Variants in SMYD4 observed in about 807,000 individuals in gnomAD.
SMYD4 encodes protein-lysine N-methyltransferase SMYD4.
Under a neutral mutation model 72.8 loss-of-function variants are expected in SMYD4, and 68 were observed. That is an observed-to-expected ratio of 0.93 (90% CI 0.77 to 1.14). The LOEUF is 1.14. Ranked by LOEUF, SMYD4 falls within the 50% of genes most tolerant of loss-of-function variation. The pLI, the probability that SMYD4 is intolerant of heterozygous loss-of-function variation, is 0.00. For missense variants in SMYD4, 984 were observed against 1,003.7 expected, an observed-to-expected ratio of 0.98 and a Z score of 0.27; for synonymous variants, 407 against 388.6, an observed-to-expected ratio of 1.05 and a Z score of -0.56.
chr17:1,814,656 T>G (rs550216642), intron 2 of SMYD4: 2 of 152,006 alleles, frequency 1.3e-5, no homozygotes, highest in African/African-American at 2.4e-5. Flanking sequence ...GGAACCCACC[T>G]CCACAAAAAA....
intron 2 of SMYD4, among the ~76,000 whole-genome samples, chr17:1,823,757 G>A (rs547069000): frequency 1.3e-4 from 20 of 152,204 alleles, no homozygotes; most frequent in African/African-American, 4.6e-4. Context: ...GTTGACCTGA[G>A]CCCCACCCAG....
intron 10 of SMYD4, chr17:1,781,670 C>A: frequency 1.7e-4 from 45 of 260,366 alleles, no homozygotes; most frequent in East Asian, 3.0e-4. Flanking sequence ...AGGCAAATCT[C>A]AAAGCTTTTT....
In SMYD4 at chr17:1,803,886, G is replaced by GTT. The variant is rs34556870; in HGVS notation, c.369+738_369+739dup. ...TCAGGAGAAAGGGCGAGTTCAGTTA[G>GTT]TTTTTTTTTTTTTTGAGACAGAGTC... is the stretch of plus-strand genomic sequence containing the variant. On this transcript the variant is annotated intron_variant, in intron 4 of 10. Coordinates refer to ENST00000305513, the MANE Select transcript of SMYD4 (RefSeq NM_052928.3). Among the ~76,000 whole-genome samples, 867 of 143,866 alleles carry GTT rather than the reference G, an allele frequency of 6.0e-3. 2 individuals are homozygous for GTT. Among genetic ancestry groups the GTT allele is most frequent in the Middle Eastern group, 0.011 (3 of 274 alleles). 94.4% of individuals were successfully genotyped at this position (143,866 alleles called of 152,430 possible). A position where few individuals can be genotyped will look rare whatever the true frequency, so the allele number is the denominator to read the frequency against.
At chr17:1,821,889 C>T (rs1232556392) in intron 2 of SMYD4, among the ~76,000 whole-genome samples, 4 of 151,592 alleles carry the variant, frequency 2.6e-5, no homozygotes, top group Admixed American at 2.6e-4. Context: ...CCAGATCGTG[C>T]CATTGCACTC....
intron 2 of SMYD4, among the ~76,000 whole-genome samples, chr17:1,821,325 A>C (rs1910879328): frequency 6.6e-6 from 1 of 150,466 alleles, no homozygotes; most frequent in South Asian, 2.1e-4. Flanking sequence ...GACCAGCCTG[A>C]CCAATATGGA....
intron 4 of SMYD4, among the ~76,000 whole-genome samples, chr17:1,801,625 GAAAAAAA>G (rs551608562): frequency 1.1e-5 from 1 of 89,994 alleles, no homozygotes; most frequent in Non-Finnish European, 2.1e-5. Flanking sequence ...GGCAGGCTTT[GAAAAAAA>G]AAAAAAAAAA....
intron 3 of SMYD4, among the ~76,000 whole-genome samples, chr17:1,811,300 TC>T (rs1460621827): frequency 6.6e-6 from 1 of 152,134 alleles, no homozygotes; most frequent in Non-Finnish European, 1.5e-5. Context: ...GGGAACTTTT[TC>T]CGTTTCAGGA....
rs745816016 is a variant in SMYD4, at chr17:1,784,401, G to A, written c.1945C>T (p.His649Tyr). 7 of 1,614,090 alleles carry A rather than the reference G, an allele frequency of 4.3e-6. No individual in the cohort carries two copies. The highest frequency in any genetic ancestry group is 5.9e-6 in the Non-Finnish European group (7 of 1,180,048). ...AGGTCCTGTAACCGAGAGACCAGGTGGTCCCTGCTGACGGCGGATTCTGCA... is the reference window on the plus strand; with the variant it reads ...AGGTCCTGTAACCGAGAGACCAGGTAGTCCCTGCTGACGGCGGATTCTGCA... Reference protein sequence around the residue: ...SCAESAVSRDHLVSRLQDLQQ... With the variant: ...SCAESAVSRDYLVSRLQDLQQ... Residue 649 changes from histidine to tyrosine, a missense_variant, in exon 8 of 11, where the codon CAC (histidine) becomes TAC (tyrosine). His to Tyr is a moderately conservative substitution (Grantham distance 83). Transcript: ENST00000305513.
chr17:1,808,938 T>C (rs1910181603), intron 3 of SMYD4, among the ~76,000 whole-genome samples: 1 of 152,212 alleles, frequency 6.6e-6, no homozygotes, highest in African/African-American at 2.4e-5. Flanking sequence ...GAAGCTGCTG[T>C]TGTAGGTGTG....
chr17:1,801,063 C>T, intron 4 of SMYD4, 39 bp from the exon 5 acceptor site: 1 of 1,523,972 alleles, frequency 6.6e-7, no homozygotes, highest in South Asian at 1.3e-5. Context: ...ACCCTTGGTC[C>T]CTATTCTTCA....
intron 2 of SMYD4, among the ~76,000 whole-genome samples, chr17:1,820,811 T>C (rs1209891427): frequency 6.6e-6 from 1 of 152,178 alleles, no homozygotes; most frequent in African/African-American, 2.4e-5. Flanking sequence ...CCTCAAAGAA[T>C]GTCTATTGGC....
chr17:1,818,201 T>C (rs954872123), intron 2 of SMYD4, among the ~76,000 whole-genome samples: 8 of 152,194 alleles, frequency 5.3e-5, no homozygotes, highest in Non-Finnish European at 8.8e-5. Context: ...ACATTTTTTC[T>C]TTCTCCAGCC....
At chr17:1,808,663 C>T (rs893594988) in intron 3 of SMYD4, among the ~76,000 whole-genome samples, 2 of 152,190 alleles carry the variant, frequency 1.3e-5, no homozygotes, top group Non-Finnish European at 2.9e-5. Flanking sequence ...GCTCATCTCC[C>T]TCCACATTCA....
chr17:1,809,280 T>C (rs1391691833), intron 3 of SMYD4, among the ~76,000 whole-genome samples: 5 of 152,270 alleles, frequency 3.3e-5, no homozygotes, highest in Middle Eastern at 6.8e-3. Flanking sequence ...TCTTAAAAGC[T>C]ACGGAAGGAA....
intron 5 of SMYD4, among the ~76,000 whole-genome samples, chr17:1,790,569 T>C (rs1021330586): frequency 6.6e-6 from 1 of 152,118 alleles, no homozygotes; most frequent in Non-Finnish European, 1.5e-5. Context: ...TAGGCTGGAA[T>C]GCAGTGGCAT....
At chr17:1,794,069 G>GTGTGTATA (rs1280064134) in intron 5 of SMYD4, among the ~76,000 whole-genome samples, 2 of 67,926 alleles carry the variant, frequency 2.9e-5, no homozygotes, top group Admixed American at 1.8e-4. Flanking sequence ...ATATATATGT[G>GTGTGTATA]TATATATATG....
chr17:1,794,937 G>A (rs942808681), intron 5 of SMYD4, among the ~76,000 whole-genome samples: 9 of 151,922 alleles, frequency 5.9e-5, no homozygotes, highest in African/African-American at 1.9e-4. Context: ...ATATCCCTCC[G>A]AATTAAAATA....
intron 4 of SMYD4, 107 bp downstream of exon 4, chr17:1,804,519 A>G: frequency 1.0e-6 from 1 of 988,262 alleles, no homozygotes; most frequent in East Asian, 2.6e-5. Context: ...CAATAGCAGC[A>G]TGACATGATT....
At chr17:1,784,054 C>A (rs901110051) in intron 8 of SMYD4, among the ~76,000 whole-genome samples, 1 of 152,218 alleles carries the variant, frequency 6.6e-6, no homozygotes, top group African/African-American at 2.4e-5. Context: ...CGGATGTCAG[C>A]GATGACCCGT....
Sources: allele counts gnomAD v4.1 joint callset (sites outside exome capture counted in the v4.1 genomes callset), GRCh38; gene constraint gnomAD v4.1.1; transcripts MANE v1.5; gene names NCBI Gene and HGNC (gene_info 2026-07-23, HGNC 2026-07-21).